RBFOX1: variants seen among roughly 807,000 people sequenced by gnomAD.
RBFOX1 encodes RNA binding protein fox-1 homolog 1.
A neutral mutation model predicts 57.7 loss-of-function variants in RBFOX1; 8 were observed. The observed-to-expected ratio is 0.14, with a 90% CI of 0.08 to 0.25. RBFOX1 has a LOEUF of 0.25. Among genes scored for constraint, RBFOX1 ranks in the 10% least tolerant of loss-of-function variants. The probability of loss-of-function intolerance (pLI) is 1.00; values close to 1 mark genes in which losing one functional copy is unlikely to be tolerated. For missense variants in RBFOX1, 611 were observed against 548.5 expected, an observed-to-expected ratio of 1.11 and a Z score of -1.14; for synonymous variants, 326 against 222.4, an observed-to-expected ratio of 1.47 and a Z score of -4.15.
At chr16:7,404,191 T>A (rs144854208) in intron 4 of RBFOX1, among the ~76,000 whole-genome samples, 3,458 of 152,016 alleles carry the variant, frequency 0.023, 137 homozygotes, top group African/African-American at 0.08. Context: ...TAGCTGTGAT[T>A]ACACGTGTGA....
At chr16:6,231,262 C>T (rs13330139) in intron 1 of RBFOX1, among the ~76,000 whole-genome samples, 3,064 of 133,356 alleles carry the variant, frequency 0.023, 103 homozygotes, top group African/African-American at 0.076. Flanking sequence ...GTGTGTGTTC[C>T]TTATAAGCCA....
In RBFOX1 at chr16:5,548,174, AATATATATAT is replaced by A. The variant is rs71142629; in HGVS notation, c.259-50706_259-50697del. 5.0e-3 allele frequency among the ~76,000 whole-genome samples: 167 copies of A among 33,568 alleles called. 1 individual carries two copies. The highest frequency in any genetic ancestry group is 0.026 in the Middle Eastern group (1 of 38). 22.0% of individuals were successfully genotyped at this position (33,568 alleles called of 152,430 possible). ...AGACTCTGTTAAAAAAAAAAAAAAA[AATATATATAT>A]ATATATATATATATATATATAGACA... is the stretch of plus-strand genomic sequence containing the variant. On this transcript the variant is annotated intron_variant, in intron 2 of 2. Coordinates refer to the RBFOX1 transcript ENST00000585867.
At chr16:7,709,224 C>G (rs2083466540) in intron 15 of RBFOX1, 93 bp downstream of exon 15, 21 of 1,232,168 alleles carry the variant, frequency 1.7e-5, no homozygotes, top group Middle Eastern at 1.9e-4. Context: ...CCTCTCACTT[C>G]CCGTTAATTG....
At chr16:5,904,988 A>T (rs1479045996) in intron 4 of RBFOX1, among the ~76,000 whole-genome samples, 1 of 151,122 alleles carries the variant, frequency 6.6e-6, no homozygotes, top group Non-Finnish European at 1.5e-5. Flanking sequence ...AAAAAAAAAA[A>T]AAAAAAGAGA....
intron 3 of RBFOX1, among the ~76,000 whole-genome samples, chr16:6,697,214 G>T (rs994279128): frequency 2.0e-5 from 3 of 152,120 alleles, no homozygotes; most frequent in Non-Finnish European, 4.4e-5. Flanking sequence ...ATGGTATAGT[G>T]GTCACTGTAG....
At chr16:5,880,215 G>C (rs1197307646) in intron 4 of RBFOX1, among the ~76,000 whole-genome samples, 1 of 152,164 alleles carries the variant, frequency 6.6e-6, no homozygotes, top group Non-Finnish European at 1.5e-5. Flanking sequence ...GGCTCAGAGG[G>C]CTCAAACTAT....
chr16:5,761,839 G>T (rs1204242679), intron 3 of RBFOX1, among the ~76,000 whole-genome samples: 1 of 152,144 alleles, frequency 6.6e-6, no homozygotes, highest in Non-Finnish European at 1.5e-5. Context: ...ACTTGATGCT[G>T]GGGTGATATC....
chr16:6,098,676 CA>C (rs747593190), intron 1 of RBFOX1, among the ~76,000 whole-genome samples: 1 of 152,288 alleles, frequency 6.6e-6, no homozygotes, highest in South Asian at 2.1e-4. Flanking sequence ...TCATTTCCAC[CA>C]AAAAGCTCAT....
intron 4 of RBFOX1, among the ~76,000 whole-genome samples, chr16:7,077,270 G>T (rs549704204): frequency 1.6e-4 from 25 of 152,328 alleles, no homozygotes; most frequent in African/African-American, 5.8e-4. Context: ...GGTACTGTTA[G>T]CCCCACTGTC....
At chr16:6,256,201 A>G (rs1414604202) in intron 1 of RBFOX1, among the ~76,000 whole-genome samples, 2 of 34,970 alleles carry the variant, frequency 5.7e-5, no homozygotes, top group Non-Finnish European at 1.2e-4. Flanking sequence ...ATATATGTAT[A>G]TGTATATGTG....
intron 1 of RBFOX1, among the ~76,000 whole-genome samples, chr16:5,293,937 T>C (rs2063598142): frequency 6.6e-6 from 1 of 152,216 alleles, no homozygotes; most frequent in African/African-American, 2.4e-5. Context: ...TTTGCCTCAG[T>C]AAAAAGTACT....
At chr16:6,921,640 T>C (rs1567889610) in intron 3 of RBFOX1, among the ~76,000 whole-genome samples, 1 of 75,390 alleles carries the variant, frequency 1.3e-5, no homozygotes, top group Non-Finnish European at 3.1e-5. Flanking sequence ...TATATATATA[T>C]ATATATTTTT....
chr16:5,668,032 C>G (rs969859209), intron 3 of RBFOX1, among the ~76,000 whole-genome samples: 1 of 152,012 alleles, frequency 6.6e-6, no homozygotes, highest in Admixed American at 6.6e-5. Flanking sequence ...AAAAAAAATT[C>G]CAACAACCAC....
At chr16:6,650,654 C>T (rs576393191) in intron 2 of RBFOX1, among the ~76,000 whole-genome samples, 14 of 152,330 alleles carry the variant, frequency 9.2e-5, no homozygotes, top group African/African-American at 3.4e-4. Flanking sequence ...GGAAAACAGT[C>T]TGTTCTACAT....
In RBFOX1 at chr16:6,657,137, TC is replaced by T. The variant is rs1568079936; in HGVS notation, c.-16+2488del. ...CCTCTCCTCTCCTCTCCTCTCCTCTTCTCTCCTCTTCTCTCCTCTTTTCCTC... is the reference window on the plus strand; with the variant it reads ...CCTCTCCTCTCCTCTCCTCTCCTCTTTCTCCTCTTCTCTCCTCTTTTCCTC... On this transcript the variant is annotated intron_variant, in intron 3 of 15. Coordinates refer to ENST00000550418, the MANE Select transcript of RBFOX1 (RefSeq NM_018723.4). Among the ~76,000 whole-genome samples the T allele has an allele frequency of 3.5e-4, 48 of 138,738 alleles. 1 individual carries two copies. The highest frequency in any genetic ancestry group is 1.2e-3 in the African/African-American group (45 of 36,480). 91.0% of individuals were successfully genotyped at this position (138,738 alleles called of 152,430 possible).
chr16:6,609,955 C>T (rs1212820349), intron 2 of RBFOX1, among the ~76,000 whole-genome samples: 1 of 152,016 alleles, frequency 6.6e-6, no homozygotes, highest in East Asian at 1.9e-4. Context: ...TTGCCGTGAG[C>T]CGAGATCACG....
chr16:7,520,567 A>T (rs1396818850), intron 5 of RBFOX1, among the ~76,000 whole-genome samples: 1 of 152,110 alleles, frequency 6.6e-6, no homozygotes, highest in Non-Finnish European at 1.5e-5. Flanking sequence ...GTGTTTATTT[A>T]TTCATTAGTC....
At chr16:7,455,044 C>G (rs2058219620) in intron 4 of RBFOX1, among the ~76,000 whole-genome samples, 1 of 152,156 alleles carries the variant, frequency 6.6e-6, no homozygotes, top group African/African-American at 2.4e-5. Context: ...AGGGCACTAC[C>G]TATGTGTCAG....
In RBFOX1 at chr16:7,010,158, A is replaced by G. The variant is rs933786431; in HGVS notation, c.-15-41899A>G. Among the ~76,000 whole-genome samples, 4 of 152,358 alleles carry G rather than the reference A, an allele frequency of 2.6e-5. No individual in the cohort carries two copies. In the Middle Eastern group the frequency reaches 0.014, roughly 518 times the overall value. ...ACGTGATCATTCCAGGAGGGGTGAGACTTAATCAGCTGTGAATACTATGAG... is the reference window on the plus strand; with the variant it reads ...ACGTGATCATTCCAGGAGGGGTGAGGCTTAATCAGCTGTGAATACTATGAG... On this transcript the variant is annotated intron_variant, in intron 3 of 15. Coordinates refer to ENST00000550418, the MANE Select transcript of RBFOX1 (RefSeq NM_018723.4).
Sources: gnomAD v4.1 joint callset for allele counts (sites outside exome capture counted in the v4.1 genomes callset) on GRCh38, gnomAD v4.1.1 for gene constraint, MANE v1.5 for transcripts, NCBI Gene and HGNC (gene_info 2026-07-23, HGNC 2026-07-21) for gene names.